TACR1: variants seen among roughly 807,000 people sequenced by gnomAD.
TACR1 encodes tachykinin receptor 1.
A neutral mutation model predicts 35.8 loss-of-function variants in TACR1; 25 were observed. The observed-to-expected ratio is 0.70, with a 90% CI of 0.51 to 0.98. TACR1 has a LOEUF of 0.98. Ranked by LOEUF, TACR1 falls within the 50% of genes least tolerant of loss-of-function variation. The pLI, the probability that TACR1 is intolerant of heterozygous loss-of-function variation, is 0.00. For synonymous variants in TACR1, 195 were observed against 206.7 expected (o/e 0.94, Z 0.48); for missense variants, 478 against 522.9 (o/e 0.91, Z 0.84).
At chr2:75,198,396 C>A in intron 1 of TACR1, 150 bp downstream of exon 1, 3 of 845,398 alleles carry the variant, frequency 3.5e-6, no homozygotes, top group East Asian at 2.6e-5. Flanking sequence ...ATGAAGTTCC[C>A]CATCAACAAA....
rs138738921 is a variant in TACR1, at chr2:75,123,942, C to T, written c.390-3174G>A. Among the ~76,000 whole-genome samples the T allele has an allele frequency of 3.3e-5, 5 of 152,314 alleles. No individual in the cohort carries two copies. The East Asian group carries it at 5.8e-4, about 18-fold the overall frequency. ...TTGCTTATTTGGTTATAAGATATTACGGAGCAAGTGCTGCAAACCCAAGGA... is the reference window on the plus strand; with the variant it reads ...TTGCTTATTTGGTTATAAGATATTATGGAGCAAGTGCTGCAAACCCAAGGA... On this transcript the variant is annotated intron_variant, in intron 1 of 4. Coordinates refer to ENST00000305249, the MANE Select transcript of TACR1 (RefSeq NM_001058.4).
At chr2:75,194,184 C>G (rs1056772641) in intron 1 of TACR1, among the ~76,000 whole-genome samples, 2 of 151,840 alleles carry the variant, frequency 1.3e-5, no homozygotes, top group African/African-American at 4.8e-5. Flanking sequence ...GCAAGTGTAA[C>G]GGAGCAGCTC....
At chr2:75,056,382 G>T (rs982583448) in intron 2 of TACR1, among the ~76,000 whole-genome samples, 1 of 152,048 alleles carries the variant, frequency 6.6e-6, no homozygotes, top group Non-Finnish European at 1.5e-5. Flanking sequence ...CTATTTTCCC[G>T]CCCTAATCAC....
chr2:75,070,217 GTATGTGTGTGTGTGTA>G (rs535468117), intron 2 of TACR1, among the ~76,000 whole-genome samples: 3,265 of 150,890 alleles, frequency 0.022, 60 homozygotes, highest in African/African-American at 0.046. Context: ...AACATTGTAT[GTATGTGTGTGTGTGTA>G]TGTGTGTGTG....
chr2:75,170,035 A>G (rs1455567126), intron 1 of TACR1, among the ~76,000 whole-genome samples: 2 of 151,604 alleles, frequency 1.3e-5, no homozygotes, highest in African/African-American at 4.9e-5. Flanking sequence ...TGATTTTCTT[A>G]TCATCTGACT....
chr2:75,174,300 C>T (rs3771851), intron 1 of TACR1, among the ~76,000 whole-genome samples: 78,572 of 152,068 alleles, frequency 0.52, 21,033 homozygotes, highest in Non-Finnish European at 0.57. Flanking sequence ...GCAGGGGTTA[C>T]GTTCCAAGAC....
In TACR1 at chr2:75,087,468, C is replaced by A. The variant is rs577569578; in HGVS notation, c.584+33106G>T. 3.5e-4 allele frequency among the ~76,000 whole-genome samples: 54 copies of A among 152,314 alleles called. 1 individual carries two copies. In the South Asian group the frequency reaches 7.5e-3, roughly 21 times the overall value. On this transcript the variant is annotated intron_variant, in intron 2 of 4. Coordinates refer to ENST00000305249, the MANE Select transcript of TACR1 (RefSeq NM_001058.4). The stretch of plus-strand genomic sequence containing the variant: ...ACCATTAATAGATGGTTGCAAACAA[C>A]AATCATCATTCACCATGCACATTTG...
chr2:75,118,892 A>G (rs1326520246), intron 2 of TACR1: 2 of 152,096 alleles, frequency 1.3e-5, no homozygotes, highest in African/African-American at 4.8e-5. Context: ...TGGCTTGTAA[A>G]GCTGTGTTCT....
chr2:75,079,881 A>T (rs1673050607), intron 2 of TACR1, among the ~76,000 whole-genome samples: 1 of 151,900 alleles, frequency 6.6e-6, no homozygotes, highest in Non-Finnish European at 1.5e-5. Context: ...TTATCTGGGG[A>T]AGAAAGAAAG....
At chr2:75,120,527 C>T (rs2103908766) in intron 2 of TACR1, 47 bp downstream of exon 2, 1 of 1,513,528 alleles carries the variant, frequency 6.6e-7, no homozygotes, top group East Asian at 2.3e-5. Context: ...GCCAGGAAGG[C>T]AGCCTGCACC....
chr2:75,187,945 G>A (rs1675747113), intron 1 of TACR1: 1 of 152,140 alleles, frequency 6.6e-6, no homozygotes, highest in South Asian at 2.1e-4. Context: ...TTAACTTCCA[G>A]ACCCCTCATC....
chr2:75,101,604 C>T (rs1030510078), intron 2 of TACR1, among the ~76,000 whole-genome samples: 2 of 152,128 alleles, frequency 1.3e-5, no homozygotes, highest in Non-Finnish European at 2.9e-5. Flanking sequence ...AAATCGTCAT[C>T]ATGATTCTGG....
chr2:75,094,859 A>ATATATATATATATATATATTTT, intron 2 of TACR1, among the ~76,000 whole-genome samples: 24 of 113,082 alleles, frequency 2.1e-4, no homozygotes, highest in African/African-American at 4.8e-4. Context: ...ATATATATAT[A>ATATATATATATATATATATTTT]TTTTTTTTTT....
rs1672423569 is a variant in TACR1 at position 75,049,436 on chromosome 2, G to A, written c.1220C>T (p.Ser407Phe). The A allele has an allele frequency of 6.2e-7, 1 of 1,612,298 alleles. No individual in the cohort carries two copies. The highest frequency in any genetic ancestry group is 1.1e-5 in the South Asian group (1 of 91,034). Residue 407 changes from serine to phenylalanine, a missense_variant, in exon 5 of 5, where the codon TCC (serine) becomes TTC (phenylalanine). Transcript: ENST00000305249. ...ACCTGCCAAAGGCCCTGTGGCCTAG[G>A]AGAGCACATTGGAGGAGAAGCTGAA... ...ESFSFSSNVL[S>F]
intron 1 of TACR1, among the ~76,000 whole-genome samples, chr2:75,151,689 CTG>C (rs1424496040): frequency 6.6e-6 from 1 of 152,192 alleles, no homozygotes; most frequent in African/African-American, 2.4e-5. Flanking sequence ...TACTGGGACA[CTG>C]CCTAGTGGAG....
rs572078580 is a variant in TACR1, at chr2:75,166,782, CTG to C, written c.389+31762_389+31763del. Among the ~76,000 whole-genome samples the C allele has an allele frequency of 9.9e-5, 15 of 152,260 alleles. No individual in the cohort carries two copies. The East Asian group carries it at 2.9e-3, about 29-fold the overall frequency. On this transcript the variant is annotated intron_variant, in intron 1 of 4. Coordinates refer to ENST00000305249, the MANE Select transcript of TACR1 (RefSeq NM_001058.4). ...TTTGGTTCAGGTTATCTGAGGAAAACTGTTTGTTGGAAGAGAGAAGGATGGAG... is the reference window on the plus strand; with the variant it reads ...TTTGGTTCAGGTTATCTGAGGAAAACTTTGTTGGAAGAGAGAAGGATGGAG...
chr2:75,094,859 A>ATATATATATTTTT, intron 2 of TACR1, among the ~76,000 whole-genome samples: 9 of 113,130 alleles, frequency 8.0e-5, no homozygotes, highest in African/African-American at 4.3e-4. Flanking sequence ...ATATATATAT[A>ATATATATATTTTT]TTTTTTTTTT....
At chr2:75,155,413 G>T (rs180702026) in intron 1 of TACR1, among the ~76,000 whole-genome samples, 1 of 150,302 alleles carries the variant, frequency 6.7e-6, no homozygotes, top group Non-Finnish European at 1.5e-5. Flanking sequence ...TTGCTTACAT[G>T]CCCTTCTTCC....
chr2:75,059,724 G>A (rs1346290516), intron 2 of TACR1, among the ~76,000 whole-genome samples: 1 of 152,194 alleles, frequency 6.6e-6, no homozygotes, highest in Admixed American at 6.5e-5. Flanking sequence ...CAAATGCAAG[G>A]TGACCATGAA....
Sources: allele counts gnomAD v4.1 joint callset (sites outside exome capture counted in the v4.1 genomes callset), GRCh38; gene constraint gnomAD v4.1.1; transcripts MANE v1.5; gene names NCBI Gene and HGNC (gene_info 2026-07-23, HGNC 2026-07-21).